Variants in BRINP2 observed in about 807,000 individuals in gnomAD.
BRINP2 encodes the protein BMP/retinoic acid-inducible neural-specific protein 2.
In BRINP2, 21 loss-of-function variants were observed where a neutral mutation model predicts 69.2. The ratio of observed to expected loss-of-function variants is 0.30; its 90% CI spans 0.22 to 0.44. The LOEUF is 0.44. Ranked by LOEUF, BRINP2 falls within the 20% of genes least tolerant of loss-of-function variation. BRINP2 has a pLI of 1.00. For missense variants in BRINP2, 877 were observed against 986.0 expected, an observed-to-expected ratio of 0.89 and a Z score of 1.48; for synonymous variants, 380 against 394.1, an observed-to-expected ratio of 0.96 and a Z score of 0.42.
At chr1:177,174,514 G>A (rs907512268) in intron 1 of BRINP2, among the ~76,000 whole-genome samples, 1 of 152,204 alleles carries the variant, frequency 6.6e-6, no homozygotes, top group African/African-American at 2.4e-5. Flanking sequence ...GAATTCACAA[G>A]GCTGACCTAG....
intron 1 of BRINP2, among the ~76,000 whole-genome samples, chr1:177,190,547 T>C (rs1648556785): frequency 1.3e-5 from 2 of 152,214 alleles, no homozygotes. Flanking sequence ...TCTCCCGTTC[T>C]CTCCTCTCCT....
intron 4 of BRINP2, among the ~76,000 whole-genome samples, chr1:177,257,743 G>T (rs1650816785): frequency 6.6e-6 from 1 of 152,194 alleles, no homozygotes; most frequent in African/African-American, 2.4e-5. Context: ...GGCGTGGGGA[G>T]GGAGCAGCTC....
At chr1:177,215,626 C>A (rs551111234) in intron 1 of BRINP2, among the ~76,000 whole-genome samples, 2 of 152,212 alleles carry the variant, frequency 1.3e-5, no homozygotes, top group East Asian at 3.9e-4. Context: ...ATAATCATAT[C>A]ATTAGCAAAC....
intron 1 of BRINP2, among the ~76,000 whole-genome samples, chr1:177,226,413 A>T (rs1259477279): frequency 6.6e-6 from 1 of 152,158 alleles, no homozygotes; most frequent in Non-Finnish European, 1.5e-5. Flanking sequence ...TCTGCTCAAG[A>T]AATTGCCACA....
chr1:177,187,429 T>G (rs1648460204), intron 1 of BRINP2, among the ~76,000 whole-genome samples: 1 of 152,132 alleles, frequency 6.6e-6, no homozygotes, highest in Non-Finnish European at 1.5e-5. Context: ...AGCACAAGTT[T>G]TTTTCTTCCC....
At chr1:177,256,716 A>C in intron 3 of BRINP2, 1 of 1,080,068 alleles carries the variant, frequency 9.3e-7, no homozygotes, top group Non-Finnish European at 1.1e-6. Context: ...TGTCCAATCG[A>C]CTAAAACAAG....
chr1:177,271,677 C>A (rs563134263), intron 4 of BRINP2, among the ~76,000 whole-genome samples: 1 of 152,260 alleles, frequency 6.6e-6, no homozygotes, highest in Admixed American at 6.5e-5. Context: ...CTGTCCCTGC[C>A]CCTGGCGTGG....
At chr1:177,221,781 T>A (rs192639504) in intron 1 of BRINP2, among the ~76,000 whole-genome samples, 157 of 152,198 alleles carry the variant, frequency 1.0e-3, no homozygotes, top group Non-Finnish European at 1.9e-3. Context: ...CAGGACACGA[T>A]CAGGTGGAAA....
chr1:177,254,378 G>GCGCACACA (rs1016522380), intron 2 of BRINP2, among the ~76,000 whole-genome samples: 1 of 143,938 alleles, frequency 6.9e-6, no homozygotes, highest in Non-Finnish European at 1.5e-5. Context: ...AAGCACACAT[G>GCGCACACA]CACACACACA....
At chr1:177,237,063 G>A (rs952195902) in intron 2 of BRINP2, among the ~76,000 whole-genome samples, 15 of 152,166 alleles carry the variant, frequency 9.9e-5, no homozygotes, top group African/African-American at 2.7e-4. Context: ...AAAATGAAGC[G>A]TGAATTCTCA....
chr1:177,198,321 G>C (rs1211494040), intron 1 of BRINP2, among the ~76,000 whole-genome samples: 1 of 152,206 alleles, frequency 6.6e-6, no homozygotes, highest in East Asian at 1.9e-4. Flanking sequence ...AGCAGAACTG[G>C]AGAGGAAAGG....
intron 1 of BRINP2, among the ~76,000 whole-genome samples, chr1:177,210,224 C>T (rs1190527741): frequency 6.6e-6 from 1 of 152,180 alleles, no homozygotes; most frequent in Admixed American, 6.5e-5. Flanking sequence ...GTCATATAAT[C>T]TTTCCCTTGT....
Position 177,234,616 on chromosome 1 carries a change from TGAGA to T in BRINP2, c.269+4476_269+4479del, listed in dbSNP as rs142675382. Reference sequence around the variant, plus strand: ...AAACTCGGAAAGAATACATTAACATTGAGAGAGAAAGTTGGAAATCAAATAGAAC... The same window carrying T: ...AAACTCGGAAAGAATACATTAACATTGAGAAAGTTGGAAATCAAATAGAAC... On this transcript the variant is annotated intron_variant, in intron 2 of 7. Transcript: ENST00000361539. 5.5e-4 allele frequency among the ~76,000 whole-genome samples: 83 copies of T among 152,244 alleles called. 1 individual carries two copies. The highest frequency in any genetic ancestry group is 1.9e-3 in the African/African-American group (81 of 41,552).
chr1:177,211,720 TG>T (rs1443218610), intron 1 of BRINP2, among the ~76,000 whole-genome samples: 2 of 152,186 alleles, frequency 1.3e-5, no homozygotes, highest in Non-Finnish European at 2.9e-5. Flanking sequence ...TTATTACTGG[TG>T]GTATTAACTG....
chr1:177,222,637 A>G (rs920929986), intron 1 of BRINP2, among the ~76,000 whole-genome samples: 3 of 152,120 alleles, frequency 2.0e-5, no homozygotes, highest in African/African-American at 7.2e-5. Flanking sequence ...TAAAGGCTTT[A>G]CAAATATTAA....
chr1:177,231,062 T>G (rs1649849161), intron 2 of BRINP2, among the ~76,000 whole-genome samples: 1 of 152,254 alleles, frequency 6.6e-6, no homozygotes, highest in African/African-American at 2.4e-5. Flanking sequence ...TCCATTCTTT[T>G]GGCAACTAAA....
At chr1:177,194,981 CACCAAAT>C (rs1187080284) in intron 1 of BRINP2, among the ~76,000 whole-genome samples, 10 of 152,126 alleles carry the variant, frequency 6.6e-5, no homozygotes, top group Admixed American at 3.9e-4. Flanking sequence ...CTCATTGTTT[CACCAAAT>C]ACCTCTCGAT....
At chr1:177,207,486 T>C (rs944208027) in intron 1 of BRINP2, among the ~76,000 whole-genome samples, 2 of 152,094 alleles carry the variant, frequency 1.3e-5, no homozygotes, top group Admixed American at 6.5e-5. Flanking sequence ...CTGCAGGCAT[T>C]TGTTGGAACC....
At position 177,229,958 on chromosome 1, in the gene BRINP2, C is replaced by A. The variant is rs764224385; in HGVS notation, c.82C>A (p.Pro28Thr). The A allele has an allele frequency of 1.9e-6, 3 of 1,613,520 alleles. No individual in the cohort carries two copies. In the South Asian group the frequency reaches 3.3e-5, roughly 18 times the overall value. ...GACAGCCCTGCTGGCACTGGGCCTG[C>A]CTGGCTGGGTGTTGGCTGTCTCAGC... ...PWTALLALGLPGWVLAVSATA... is the reference protein window; with the variant it reads ...PWTALLALGLTGWVLAVSATA... Residue 28 changes from proline (P) to threonine (T), a missense_variant, in exon 2 of 8, where the codon CCT becomes ACT. Physicochemically the swap from Pro to Thr is conservative, Grantham distance 38 (BLOSUM62 -1). Around this residue, in one of 3 missense-constraint regions of BRINP2, gnomAD observed 566 missense variants for 625.2 expected, o/e 0.91. Transcript: ENST00000361539.
Sources: gnomAD v4.1 joint callset for allele counts (sites outside exome capture counted in the v4.1 genomes callset) on GRCh38, gnomAD v4.1.1 for gene constraint, gnomAD v4.1.1 regional missense constraint, MANE v1.5 for transcripts, NCBI Gene and HGNC (gene_info 2026-07-23, HGNC 2026-07-21) for gene names.